Variants in ACSL5 observed in about 807,000 individuals in gnomAD.
ACSL5 encodes acyl-CoA synthetase long chain family member 5, also known as long-chain-fatty-acid--CoA ligase 5.
Under a neutral mutation model 84.9 loss-of-function variants are expected in ACSL5, and 50 were observed. The observed-to-expected ratio is 0.59, with a 90% CI of 0.47 to 0.75. The LOEUF (loss-of-function observed/expected upper bound fraction) is 0.75, where lower values mean the gene tolerates loss of function less well. ACSL5 is among the 30% of genes least tolerant of loss of function. ACSL5 has a pLI of 0.00. For synonymous variants in ACSL5, 280 were observed against 300.7 expected (o/e 0.93, Z 0.71); for missense variants, 775 against 830.4 (o/e 0.93, Z 0.82).
intron 10 of ACSL5, 152 bp from the exon 11 acceptor site, chr10:112,411,750 T>C: frequency 6.2e-6 from 5 of 805,864 alleles, no homozygotes; most frequent in Non-Finnish European, 8.0e-6. Flanking sequence ...TTCTACACTA[T>C]ATGCAGTTCA....
intron 1 of ACSL5, among the ~76,000 whole-genome samples, chr10:112,379,130 C>A (rs566588950): frequency 6.6e-6 from 1 of 151,984 alleles, no homozygotes; most frequent in East Asian, 1.9e-4. Context: ...GTTGGCCGGG[C>A]GCAGTGGCTC....
chr10:112,417,820 G>GT, intron 13 of ACSL5, 26 bp from the exon 14 acceptor site: 2 of 1,599,814 alleles, frequency 1.3e-6, no homozygotes, highest in Non-Finnish European at 1.7e-6. Flanking sequence ...ATAGGTTTTA[G>GT]TATGTCTTTT....
At chr10:112,426,399 C>T (rs11195955) in intron 19 of ACSL5, 40 bp downstream of exon 19, 167,839 of 1,554,458 alleles carry the variant, frequency 0.11, 9,632 homozygotes, top group East Asian at 0.16. Context: ...CACCCATGGG[C>T]CCATCGTGGA....
chr10:112,426,359 A>G lies in ACSL5; in HGVS notation c.1839A>G (p.Gln613=), dbSNP rs199528384. The part of the protein sequence containing the change: ...KGSFEELCQN[Q]VVREAILEDL... ...CCTTTGAGGAACTGTGCCAAAACCA[A>G]GTAAGTCTTGCCTAGGAAAGCTTTA... Residue 613 remains glutamine, a splice_region_variant and synonymous_variant, in exon 19 of 21, where the codon CAA becomes CAG. Coordinates refer to ENST00000354655, the MANE Select transcript of ACSL5 (RefSeq NM_203379.2). 3 of 1,613,764 alleles carry G rather than the reference A, an allele frequency of 1.9e-6. No homozygotes were observed. In the East Asian group the frequency reaches 6.7e-5, roughly 36 times the overall value.
At chr10:112,376,410 A>G (rs1431084063) in intron 1 of ACSL5, 4 of 1,613,998 alleles carry the variant, frequency 2.5e-6, no homozygotes, top group East Asian at 4.5e-5. Flanking sequence ...GGAAGCCCCC[A>G]TTCACTAGAA....
chr10:112,407,967 C>T (rs114391935), intron 5 of ACSL5, among the ~76,000 whole-genome samples: 1,623 of 151,976 alleles, frequency 0.011, 33 homozygotes, highest in African/African-American at 0.037. Flanking sequence ...TTTAATTGTA[C>T]TTTATAGCAG....
At chr10:112,376,287 C>G in intron 1 of ACSL5, 1 of 1,613,998 alleles carries the variant, frequency 6.2e-7, no homozygotes, top group Admixed American at 1.7e-5. Flanking sequence ...ACTGGGGACA[C>G]TCTGGGCCGG....
chr10:112,414,070 G>C (rs1844254692), intron 12 of ACSL5, among the ~76,000 whole-genome samples: 1 of 152,136 alleles, frequency 6.6e-6, no homozygotes, highest in Admixed American at 6.5e-5. Context: ...GCTTTCAGTA[G>C]TCATGTTTCA....
chr10:112,422,078 G>A (rs1238866223), intron 16 of ACSL5, 43 bp downstream of exon 16: 3 of 1,595,282 alleles, frequency 1.9e-6, no homozygotes, highest in South Asian at 1.1e-5. Context: ...ATGGTGGGGA[G>A]GTTTATATCA....
chr10:112,417,192 G>A (rs1844334834), intron 13 of ACSL5, among the ~76,000 whole-genome samples, 170 bp downstream of exon 13: 1 of 82,150 alleles, frequency 1.2e-5, no homozygotes, highest in South Asian at 6.1e-4. Flanking sequence ...CTACTAAAGG[G>A]AGTAGGTTTA....
chr10:112,404,482 T>G, intron 3 of ACSL5, 29 bp from the exon 4 acceptor site: 1 of 1,586,704 alleles, frequency 6.3e-7, no homozygotes, highest in Non-Finnish European at 8.6e-7. Flanking sequence ...GCAACTGGAG[T>G]TGATTTTCTT....
chr10:112,413,081 T>C (rs1844222704), intron 11 of ACSL5, 92 bp from the exon 12 acceptor site: 3 of 1,421,636 alleles, frequency 2.1e-6, no homozygotes, highest in Admixed American at 3.8e-5. Flanking sequence ...AGGGGTTGTT[T>C]GCCTCAGCCC....
intron 1 of ACSL5, among the ~76,000 whole-genome samples, chr10:112,394,409 T>C (rs1843701981): frequency 6.6e-6 from 1 of 152,210 alleles, no homozygotes; most frequent in South Asian, 2.1e-4. Context: ...GCAGGAAATA[T>C]CCTTCATACA....
At chr10:112,411,559 AT>A (rs776724474) in intron 10 of ACSL5, 30 bp downstream of exon 10, 11 of 1,586,596 alleles carry the variant, frequency 6.9e-6, no homozygotes, top group Non-Finnish European at 9.5e-6. Flanking sequence ...AGAGGCTCTC[AT>A]TAAAATGTGA....
At chr10:112,386,041 C>A (rs969606147) in intron 1 of ACSL5, among the ~76,000 whole-genome samples, 1 of 151,904 alleles carries the variant, frequency 6.6e-6, no homozygotes, top group Admixed American at 6.6e-5. Context: ...TGTCTCAGTA[C>A]GTTTATTTTA....
At position 112,401,170 on chromosome 10, in the gene ACSL5, C is replaced by T. The variant is rs188478095; in HGVS notation, c.265+2161C>T. On this transcript the variant is annotated intron_variant, in intron 3 of 20. Transcript: ENST00000354655. ...AGTGGAGGTTGCAGTGAGCCGAGAT[C>T]GCGCCACTGCACTTCAGCCTGGGTA... Among the ~76,000 whole-genome samples the T allele has an allele frequency of 1.7e-3, 254 of 151,982 alleles. 1 individual carries two copies. Among genetic ancestry groups the T allele is most frequent in the Non-Finnish European group, 3.0e-3 (206 of 67,968 alleles).
intron 14 of ACSL5, chr10:112,418,699 T>C (rs563977179): frequency 6.6e-6 from 1 of 152,404 alleles, no homozygotes; most frequent in Non-Finnish European, 1.5e-5. Flanking sequence ...TGTATATGTA[T>C]TATATACTGT....
Position 112,425,556 on chromosome 10 carries a change from T to C in ACSL5, c.1737+75T>C, listed in dbSNP as rs921320827. 8.5e-6 allele frequency: 11 copies of C among 1,287,424 alleles called. No individual in the cohort carries two copies. In the African/African-American group the frequency reaches 1.7e-4, roughly 20 times the overall value. 79.8% of individuals were successfully genotyped at this position (1,287,424 alleles called of 1,614,324 possible). On this transcript the variant is annotated intron_variant, in intron 18 of 20. Transcript: ENST00000354655. ...TTCTTGTAGCTACAGGAAATTTGTA[T>C]AGTTGGGTTCAGAATGAGAAGATCC... is the stretch of plus-strand genomic sequence containing the variant.
chr10:112,401,810 TTC>T (rs1843905349), intron 3 of ACSL5, among the ~76,000 whole-genome samples: 1 of 93,610 alleles, frequency 1.1e-5, no homozygotes, highest in Non-Finnish European at 2.4e-5. Context: ...CTTTCTTTCT[TTC>T]TTTCTTTCTT....
Sources: gnomAD v4.1 joint callset for allele counts (sites outside exome capture counted in the v4.1 genomes callset) on GRCh38, gnomAD v4.1.1 for gene constraint, MANE v1.5 for transcripts, NCBI Gene and HGNC (gene_info 2026-07-23, HGNC 2026-07-21) for gene names.